The following TAF1 variants were observed in gnomAD, a reference collection of about 807,000 sequenced individuals.
TAF1 encodes transcription initiation factor TFIID subunit 1.
A neutral mutation model predicts 138.5 loss-of-function variants in TAF1; 2 were observed. That is an observed-to-expected ratio of 0.01 (90% CI 0.01 to 0.05). The LOEUF (loss-of-function observed/expected upper bound fraction) is 0.05. Among genes scored for constraint, TAF1 ranks in the 10% least tolerant of loss-of-function variants. The pLI is 1.00. For missense variants in TAF1, 709 were observed against 1,478.0 expected, an observed-to-expected ratio of 0.48 and a Z score of 8.53; for synonymous variants, 437 against 503.2, an observed-to-expected ratio of 0.87 and a Z score of 1.76.
In TAF1 at chrX:71,393,296, C is replaced by T. The variant is rs373365960; in HGVS notation, c.3052-5C>T. The T allele has an allele frequency of 5.7e-5, 68 of 1,191,514 alleles. No homozygotes were observed. Among genetic ancestry groups the T allele is most frequent in the Non-Finnish European group, 7.3e-5 (65 of 887,889 alleles). On this transcript the variant is annotated splice_region_variant and splice_polypyrimidine_tract_variant and intron_variant, in intron 20 of 37. Coordinates refer to ENST00000423759, the MANE Select transcript of TAF1 (RefSeq NM_004606.5). ...TATATTTGTGTGTGGCTATTTGTCT[C>T]GTAGATTAAAAAGTTGTCCCGCTGG... is the stretch of plus-strand genomic sequence containing the variant.
downstream of TAF1, among the ~76,000 whole-genome samples, chrX:71,468,840 AG>A (rs1417898815): frequency 1.8e-5 from 2 of 108,168 alleles, no homozygotes; most frequent in South Asian, 4.0e-4. Flanking sequence ...GAAAAAAAAA[AG>A]GGAGCAAGCA....
At chrX:71,429,693 C>T (rs114943172) in intron 32 of TAF1, among the ~76,000 whole-genome samples, 27 of 111,026 alleles carry the variant, frequency 2.4e-4, no homozygotes, top group African/African-American at 7.9e-4. Context: ...AGACAGAGAC[C>T]GGTAAAGAAA....
intron 32 of TAF1, among the ~76,000 whole-genome samples, chrX:71,440,785 T>G (rs2037373279): frequency 9.0e-6 from 1 of 111,682 alleles, no homozygotes; most frequent in Non-Finnish European, 1.9e-5. Flanking sequence ...GGCATTTTTC[T>G]TTTTTTAAAT....
At chrX:71,501,929 G>A (rs1033450547) in intron 13 of TAF1, among the ~76,000 whole-genome samples, 17 of 111,770 alleles carry the variant, frequency 1.5e-4, no homozygotes, top group Non-Finnish European at 3.0e-4. Context: ...TGTGTCCGGA[G>A]TTGGTTCCTT....
At chrX:71,508,956 G>A (rs1213367313) in intron 13 of TAF1, among the ~76,000 whole-genome samples, 1 of 109,030 alleles carries the variant, frequency 9.2e-6, no homozygotes, top group Non-Finnish European at 1.9e-5. Context: ...ATGGGAGCGT[G>A]CCACCACAGC....
chrX:71,505,639 G>A (rs2039607442), intron 13 of TAF1, among the ~76,000 whole-genome samples: 1 of 112,158 alleles, frequency 8.9e-6, no homozygotes, highest in Non-Finnish European at 1.9e-5. Flanking sequence ...AGTCTGAAAA[G>A]CTGTCACAGC....
chrX:71,396,996 G>A (rs1420361979), intron 22 of TAF1, among the ~76,000 whole-genome samples: 2 of 94,188 alleles, frequency 2.1e-5, no homozygotes, highest in Non-Finnish European at 4.1e-5. Flanking sequence ...CTGTACTCCA[G>A]CCTGGGCAAC....
At chrX:71,501,450 G>A (rs1053502005) in intron 13 of TAF1, among the ~76,000 whole-genome samples, 4 of 111,024 alleles carry the variant, frequency 3.6e-5, no homozygotes, top group Non-Finnish European at 5.7e-5. Flanking sequence ...AAAGCAGGAC[G>A]AGCCTCGGAG....
intron 32 of TAF1, among the ~76,000 whole-genome samples, chrX:71,435,255 C>T: frequency 8.9e-6 from 1 of 112,229 alleles, no homozygotes; most frequent in Admixed American, 9.5e-5. Context: ...AGAAATCTCC[C>T]CTTGTCCCCA....
chrX:71,474,090 A>T (rs1240233408), intron 13 of TAF1, among the ~76,000 whole-genome samples: 2 of 110,915 alleles, frequency 1.8e-5, no homozygotes. Context: ...GGTTGTAGTG[A>T]GCCAAGATTG....
Position 71,510,431 on chromosome X carries a change from C to G in TAF1, c.1367-18111C>G, listed in dbSNP as rs756747738. On this transcript the variant is annotated intron_variant and NMD_transcript_variant, in intron 13 of 14. Transcript: ENST00000373775. ...TCACAAGGGAGACTGGCAAATATCT[C>G]TGACTTACACTGCAGAGCTGGGGCT... 8.1e-5 allele frequency among the ~76,000 whole-genome samples: 9 copies of G among 111,788 alleles called. No homozygotes were observed. In the South Asian group the frequency reaches 3.3e-3, roughly 41 times the overall value.
At chrX:71,503,386 T>C (rs1288819057) in intron 13 of TAF1, among the ~76,000 whole-genome samples, 19 of 102,471 alleles carry the variant, frequency 1.9e-4, no homozygotes, top group Non-Finnish European at 3.5e-4. Context: ...TTATAGAATA[T>C]ATAGAATAAA....
chrX:71,401,339 G>A (rs1235814445), intron 24 of TAF1, among the ~76,000 whole-genome samples, 189 bp from the exon 25 acceptor site: 2 of 111,450 alleles, frequency 1.8e-5, no homozygotes, highest in Non-Finnish European at 3.8e-5. Flanking sequence ...GGTACGTGGA[G>A]CCTGTGTATA....
chrX:71,369,864 C>G (rs772577768), intron 3 of TAF1, among the ~76,000 whole-genome samples: 1 of 108,370 alleles, frequency 9.2e-6, no homozygotes, highest in Non-Finnish European at 1.9e-5. Context: ...CCACCCGCCT[C>G]GGCCTCCCAA....
At chrX:71,502,604 A>C (rs1286416572) in intron 13 of TAF1, among the ~76,000 whole-genome samples, 2 of 112,844 alleles carry the variant, frequency 1.8e-5, no homozygotes, top group East Asian at 5.5e-4. Context: ...GCTGTTGCAG[A>C]CTGTTTCAGT....
chrX:71,439,678 C>T (rs1355941443), intron 32 of TAF1, among the ~76,000 whole-genome samples: 1 of 111,728 alleles, frequency 9.0e-6, no homozygotes, highest in Non-Finnish European at 1.9e-5. Flanking sequence ...AGCCCTGTTC[C>T]GCAAGAGCAG....
At chrX:71,482,366 G>A (rs1249609563) in intron 13 of TAF1, among the ~76,000 whole-genome samples, 1 of 112,114 alleles carries the variant, frequency 8.9e-6, no homozygotes, top group African/African-American at 3.2e-5. Context: ...ACATATATGG[G>A]TTATTTTGGC....
rs2148488549 is a variant in TAF1, at chrX:71,408,094, C to T, written c.4327C>T (p.Arg1443Trp). The change falls in exon 28 of 38, where the codon CGG (arginine) becomes TGG (tryptophan). Residue 1443 changes from arginine (R) to tryptophan (W), a missense_variant. By Grantham distance (101) the Arg-to-Trp change is moderately radical (BLOSUM62 -3). This residue lies in a region of TAF1 where 63 missense variants were observed against 163.3 expected (regional missense o/e 0.39). Coordinates refer to ENST00000423759, the MANE Select transcript of TAF1 (RefSeq NM_004606.5). Reference sequence around the variant, plus strand: ...CGTGCGTAAACGCCTCTACCCATCTCGGGAAGAGTTCAGAGAGCATCTGGA... The same window carrying T: ...CGTGCGTAAACGCCTCTACCCATCTTGGGAAGAGTTCAGAGAGCATCTGGA... ...ENVRKRLYPS[R>W]EEFREHLELI... 1 of 1,211,536 alleles carries T rather than the reference C, an allele frequency of 8.3e-7. No individual in the cohort carries two copies. Among genetic ancestry groups the T allele is most frequent in the Non-Finnish European group, 1.1e-6 (1 of 895,495 alleles).
At chrX:71,503,690 G>A (rs1348358401) in intron 13 of TAF1, among the ~76,000 whole-genome samples, 2 of 110,006 alleles carry the variant, frequency 1.8e-5, no homozygotes, top group African/African-American at 6.6e-5. Context: ...TATATGTGGT[G>A]TAATGTGGCT....
Sources: gnomAD v4.1 joint callset for allele counts (sites outside exome capture counted in the v4.1 genomes callset) on GRCh38, gnomAD v4.1.1 for gene constraint, gnomAD v4.1.1 regional missense constraint, MANE v1.5 for transcripts, NCBI Gene and HGNC (gene_info 2026-07-23, HGNC 2026-07-21) for gene names.